The following C1QTNF7 variants were observed in gnomAD, a reference collection of about 807,000 sequenced individuals.
C1QTNF7 encodes complement C1q tumor necrosis factor-related protein 7.
In C1QTNF7, 15 loss-of-function variants were observed where a neutral mutation model predicts 19.6. The ratio of observed to expected loss-of-function variants is 0.76; its 90% CI spans 0.51 to 1.18. C1QTNF7 has a LOEUF of 1.18. C1QTNF7 is among the 50% of genes most tolerant of loss of function. The pLI is 0.00. For missense variants in C1QTNF7, 324 were observed against 359.7 expected, an observed-to-expected ratio of 0.90 and a Z score of 0.80; for synonymous variants, 142 against 137.5, an observed-to-expected ratio of 1.03 and a Z score of -0.23.
Position 15,442,345 on chromosome 4 carries a change from G to T in C1QTNF7, c.416G>T (p.Cys139Phe). The change falls in exon 3 of 3, where the codon TGC (cysteine) becomes TTC (phenylalanine). Residue 139 changes from cysteine (C) to phenylalanine (F), a missense_variant. Transcript: ENST00000444304. ...EQGDPGLPGV[C>F]RCGSIVLKSA... is the part of the protein sequence containing the mutation. The stretch of plus-strand genomic sequence containing the variant: ...GGGGACCCGGGGCTGCCTGGAGTTT[G>T]CAGATGTGGAAGCATCGTGCTCAAA... 1 of 1,614,136 alleles carries T rather than the reference G, an allele frequency of 6.2e-7. No individual in the cohort carries two copies. The highest frequency in any genetic ancestry group is 8.5e-7 in the Non-Finnish European group (1 of 1,180,020).
chr4:15,387,325 T>C (rs1464179192), intron 1 of C1QTNF7, among the ~76,000 whole-genome samples: 1 of 152,048 alleles, frequency 6.6e-6, no homozygotes, highest in African/African-American at 2.4e-5. Context: ...GGTAGCTGAA[T>C]GTGAGTGTGG....
intron 1 of C1QTNF7, among the ~76,000 whole-genome samples, chr4:15,371,394 A>T (rs1008305373): frequency 7.9e-5 from 12 of 152,076 alleles, no homozygotes; most frequent in Non-Finnish European, 5.9e-5. Context: ...TTCTTCTACT[A>T]TTTATTTTCC....
intron 1 of C1QTNF7, among the ~76,000 whole-genome samples, chr4:15,430,867 A>G (rs985244331): frequency 2.6e-5 from 4 of 152,210 alleles, no homozygotes; most frequent in African/African-American, 9.6e-5. Context: ...AAATTGAAAG[A>G]AAAGCACAAG....
At chr4:15,411,727 A>G (rs1359652288) in intron 1 of C1QTNF7, among the ~76,000 whole-genome samples, 1 of 152,184 alleles carries the variant, frequency 6.6e-6, no homozygotes, top group African/African-American at 2.4e-5. Flanking sequence ...GGCTATAACA[A>G]ATTATCACAA....
chr4:15,409,488 A>C (rs1305516959), intron 1 of C1QTNF7, among the ~76,000 whole-genome samples: 2 of 152,264 alleles, frequency 1.3e-5, no homozygotes, highest in Non-Finnish European at 2.9e-5. Context: ...ATGTGGAAGA[A>C]AGACTTATTT....
intron 1 of C1QTNF7, among the ~76,000 whole-genome samples, chr4:15,397,544 G>A (rs1189980518): frequency 6.6e-6 from 1 of 152,088 alleles, no homozygotes; most frequent in Non-Finnish European, 1.5e-5. Context: ...ATCTCTAGAG[G>A]CACCTGGATA....
At chr4:15,429,522 A>G (rs1247481904) in intron 1 of C1QTNF7, among the ~76,000 whole-genome samples, 1 of 152,216 alleles carries the variant, frequency 6.6e-6, no homozygotes, top group Non-Finnish European at 1.5e-5. Context: ...TTCACATAAT[A>G]TACTGTCTTC....
intron 1 of C1QTNF7, among the ~76,000 whole-genome samples, chr4:15,412,388 G>A (rs4698107): frequency 0.11 from 16,111 of 149,380 alleles, 1,339 homozygotes; most frequent in African/African-American, 0.21. Context: ...CAAAACGTTC[G>A]GGGAGAACTG....
At chr4:15,412,349 T>C (rs1192154555) in intron 1 of C1QTNF7, among the ~76,000 whole-genome samples, 3 of 126,112 alleles carry the variant, frequency 2.4e-5, no homozygotes, top group Non-Finnish European at 4.9e-5. Context: ...TGTGGGAAAA[T>C]TGTCTTCCAT....
At chr4:15,413,278 G>A (rs187975937) in intron 1 of C1QTNF7, among the ~76,000 whole-genome samples, 1 of 152,300 alleles carries the variant, frequency 6.6e-6, no homozygotes, top group Admixed American at 6.5e-5. Flanking sequence ...CATCTCTTCA[G>A]AAGGTAAGGA....
chr4:15,346,808 G>A (rs1304789382), intron 1 of C1QTNF7, among the ~76,000 whole-genome samples: 1 of 152,090 alleles, frequency 6.6e-6, no homozygotes, highest in Non-Finnish European at 1.5e-5. Flanking sequence ...TGGCCCCAGG[G>A]GCCTTTGAAG....
chr4:15,403,986 T>C (rs751120760), intron 1 of C1QTNF7, among the ~76,000 whole-genome samples: 3 of 152,212 alleles, frequency 2.0e-5, no homozygotes, highest in Non-Finnish European at 2.9e-5. Flanking sequence ...AGTACTTTTC[T>C]ATGCATATAC....
intron 1 of C1QTNF7, among the ~76,000 whole-genome samples, chr4:15,347,818 G>A (rs1229678847): frequency 6.6e-6 from 1 of 152,058 alleles, no homozygotes. Context: ...CATCAGCTTT[G>A]CTAGTAAGCC....
At chr4:15,386,890 C>A (rs1560351042) in intron 1 of C1QTNF7, among the ~76,000 whole-genome samples, 1 of 152,118 alleles carries the variant, frequency 6.6e-6, no homozygotes, top group Admixed American at 6.5e-5. Context: ...CTGGCTCACT[C>A]TAAGCCTTTA....
intron 1 of C1QTNF7, among the ~76,000 whole-genome samples, chr4:15,397,351 T>G (rs1718823984): frequency 6.6e-6 from 1 of 152,214 alleles, no homozygotes; most frequent in Non-Finnish European, 1.5e-5. Context: ...GAGACTGTTC[T>G]CCCACAGTGG....
intron 1 of C1QTNF7, among the ~76,000 whole-genome samples, chr4:15,367,851 TACTA>T (rs1264458282): frequency 3.9e-5 from 6 of 152,278 alleles, no homozygotes; most frequent in African/African-American, 9.6e-5. Context: ...ATTCCTAATT[TACTA>T]ACTATGATTT....
At chr4:15,368,922 G>C (rs147793594) in intron 1 of C1QTNF7, among the ~76,000 whole-genome samples, 4 of 152,222 alleles carry the variant, frequency 2.6e-5, no homozygotes, top group Admixed American at 1.3e-4. Context: ...ACCAAATGGT[G>C]AATGTAAAGC....
intron 1 of C1QTNF7, among the ~76,000 whole-genome samples, chr4:15,362,006 G>T (rs929916839): frequency 1.3e-5 from 2 of 152,266 alleles, no homozygotes; most frequent in African/African-American, 4.8e-5. Context: ...GTGGTGAACT[G>T]CAGGGCACAG....
intron 1 of C1QTNF7, among the ~76,000 whole-genome samples, chr4:15,433,688 C>G (rs1175319066): frequency 6.6e-6 from 1 of 152,168 alleles, no homozygotes; most frequent in African/African-American, 2.4e-5. Flanking sequence ...ACACATATCA[C>G]CAGAAATCAC....
Sources: gnomAD v4.1 joint callset for allele counts (sites outside exome capture counted in the v4.1 genomes callset) on GRCh38, gnomAD v4.1.1 for gene constraint, MANE v1.5 for transcripts, NCBI Gene and HGNC (gene_info 2026-07-23, HGNC 2026-07-21) for gene names.